Variants in ULK2 observed in about 807,000 individuals in gnomAD.
ULK2 encodes unc-51 like autophagy activating kinase 2, also known as serine/threonine-protein kinase ULK2.
A neutral mutation model predicts 127.5 loss-of-function variants in ULK2; 76 were observed. That is an observed-to-expected ratio of 0.60 (90% confidence interval 0.50 to 0.72). The LOEUF is 0.72. Ranked by LOEUF, ULK2 falls within the 30% of genes least tolerant of loss-of-function variation. The pLI, the probability that ULK2 is intolerant of heterozygous loss-of-function variation, is 0.00. For synonymous variants in ULK2, 452 were observed against 461.9 expected (o/e 0.98, Z 0.28); for missense variants, 1,144 against 1,295.9 (o/e 0.88, Z 1.80).
chr17:19,834,692 G>A (rs933710166), intron 10 of ULK2, among the ~76,000 whole-genome samples: 11 of 151,986 alleles, frequency 7.2e-5, no homozygotes, highest in African/African-American at 1.7e-4. Context: ...CAGGATGTGC[G>A]CTTGAACCCA....
intron 3 of ULK2, chr17:19,856,302 G>A (rs1384924615): frequency 1.3e-5 from 2 of 152,278 alleles, no homozygotes; most frequent in African/African-American, 4.8e-5. Flanking sequence ...AATGTTTGAG[G>A]CCGGGCGCGG....
chr17:19,822,939 G>A (rs1004226865), intron 12 of ULK2, among the ~76,000 whole-genome samples: 1 of 151,262 alleles, frequency 6.6e-6, no homozygotes, highest in African/African-American at 2.4e-5. Flanking sequence ...GGCCACCTCA[G>A]CCTCCCAAAG....
rs1402497246 is a variant in ULK2 at position 19,843,528 on chromosome 17, CACCATAGGACATGGTGTATAAAATACAT to C, written c.544-334_544-307del. Among the ~76,000 whole-genome samples the C allele has an allele frequency of 3.3e-5, 5 of 152,054 alleles. No individual in the cohort carries two copies. In the East Asian group the frequency reaches 9.6e-4, roughly 29 times the overall value. On this transcript the variant is annotated intron_variant, in intron 7 of 26. Transcript: ENST00000395544. ...GGCCGAAAGAGTAAAGAAAAATACA[CACCATAGGACATGGTGTATAAAATACAT>C]ACCATAGGACAGAGGTTCCCTCAGG...
At chr17:19,800,502 C>T (rs1035058888) in intron 16 of ULK2, among the ~76,000 whole-genome samples, 1 of 152,176 alleles carries the variant, frequency 6.6e-6, no homozygotes, top group African/African-American at 2.4e-5. Context: ...GGGGCTGCTA[C>T]AGGGGTGAGA....
intron 6 of ULK2, 92 bp from the exon 7 acceptor site, chr17:19,845,469 A>T: frequency 1.0e-6 from 1 of 977,150 alleles, no homozygotes; most frequent in Non-Finnish European, 1.6e-6. Flanking sequence ...AAGAAGGCAC[A>T]AAGGACTGTG....
intron 7 of ULK2, among the ~76,000 whole-genome samples, chr17:19,843,879 C>G (rs1028399922): frequency 7.2e-5 from 11 of 151,866 alleles, no homozygotes; most frequent in Non-Finnish European, 1.6e-4. Flanking sequence ...AGGCTGGTCT[C>G]GAACTCCTGA....
Position 19,811,662 on chromosome 17 carries a change from G to A in ULK2, c.1097-1224C>T, listed in dbSNP as rs565279426. Among the ~76,000 whole-genome samples the A allele has an allele frequency of 5.2e-3, 789 of 152,016 alleles. 5 individuals are homozygous for A. The highest frequency in any genetic ancestry group is 8.0e-3 in the Non-Finnish European group (543 of 67,984). On this transcript the variant is annotated intron_variant, in intron 13 of 26. Transcript: ENST00000395544. ...TCCCCATGTTGGCCAGGCTGGTCTC[G>A]AACTCCTGACCTCAAGTGATCTGCC...
chr17:19,816,413 C>T (rs1016007285), intron 13 of ULK2: 1 of 163,576 alleles, frequency 6.1e-6, no homozygotes, highest in Non-Finnish European at 1.3e-5. Context: ...ACTCTTTTGA[C>T]TCAGGTTTTT....
At chr17:19,801,360 CCCAGGTGCTCGAGA>C (rs1204821534) in intron 16 of ULK2, among the ~76,000 whole-genome samples, 1 of 152,094 alleles carries the variant, frequency 6.6e-6, no homozygotes, top group Non-Finnish European at 1.5e-5. Flanking sequence ...GATGCTTGAG[CCCAGGTGCTCGAGA>C]CCAGCCTGGG....
At position 19,864,798 on chromosome 17, in the gene ULK2, G is replaced by C; in HGVS notation, c.225+5C>G. 1 of 1,272,038 alleles carries C rather than the reference G, an allele frequency of 7.9e-7. No homozygotes were observed. Among genetic ancestry groups the C allele is most frequent in the Non-Finnish European group, 1.0e-6 (1 of 972,100 alleles). The allele number at this position is 1,272,038 out of a possible 1,614,324, so 78.8% of individuals were successfully genotyped here. On this transcript the variant is annotated splice_donor_5th_base_variant and intron_variant, in intron 3 of 26. Coordinates refer to ENST00000395544, the MANE Select transcript of ULK2 (RefSeq NM_014683.4). ...TAATTTTTAAAAATTTTCAAAATAA[G>C]GTACCTGAACATCATAGAGTGCTAC...
intron 17 of ULK2, among the ~76,000 whole-genome samples, chr17:19,798,851 T>C (rs1475578258): frequency 2.0e-5 from 3 of 152,192 alleles, no homozygotes; most frequent in Non-Finnish European, 4.4e-5. Flanking sequence ...TGATGCTGAC[T>C]CATGGCTCTT....
intron 13 of ULK2, among the ~76,000 whole-genome samples, chr17:19,812,758 C>T (rs1379374445): frequency 6.6e-6 from 1 of 152,210 alleles, no homozygotes; most frequent in East Asian, 1.9e-4. Context: ...AATTGTAAGC[C>T]AGTGACTATT....
intron 10 of ULK2, among the ~76,000 whole-genome samples, chr17:19,829,546 A>AG (rs2041379626): frequency 8.3e-4 from 1 of 1,198 alleles, no homozygotes; most frequent in East Asian, 0.01. Context: ...AGGAAAAAAA[A>AG]AAGGGGGGGG....
At chr17:19,806,016 T>C (rs1308479169) in intron 14 of ULK2, among the ~76,000 whole-genome samples, 1 of 151,986 alleles carries the variant, frequency 6.6e-6, no homozygotes, top group Non-Finnish European at 1.5e-5. Flanking sequence ...TACAATAATG[T>C]TTTTAATATC....
intron 14 of ULK2, among the ~76,000 whole-genome samples, chr17:19,808,156 A>G (rs917927032): frequency 3.3e-5 from 5 of 152,200 alleles, no homozygotes. Context: ...TCAGACAAGA[A>G]TGCTAAGACC....
At chr17:19,836,191 A>G (rs959959493) in intron 10 of ULK2, among the ~76,000 whole-genome samples, 1 of 151,144 alleles carries the variant, frequency 6.6e-6, no homozygotes, top group Non-Finnish European at 1.5e-5. Context: ...CAGGTGGATT[A>G]TGAGGTCAGG....
chr17:19,786,273 C>G (rs543609147), intron 20 of ULK2, among the ~76,000 whole-genome samples, 187 bp from the exon 21 acceptor site: 1 of 150,878 alleles, frequency 6.6e-6, no homozygotes, highest in Non-Finnish European at 1.5e-5. Flanking sequence ...ATTAAAATAA[C>G]TTATAGTAAT....
intron 26 of ULK2, 123 bp downstream of exon 26, chr17:19,777,458 A>G (rs528735983): frequency 9.0e-7 from 1 of 1,108,816 alleles, no homozygotes; most frequent in Non-Finnish European, 1.3e-6. Context: ...TGTGATTTGC[A>G]CAAGGCTGGA....
At position 19,783,758 on chromosome 17, in the gene ULK2, G is replaced by T. The variant is rs572303038; in HGVS notation, c.2399C>A (p.Pro800His). ...LRYVPYGASP[P>H]SLEGLITFEA... The stretch of plus-strand genomic sequence containing the variant: ...AAAGGTGATGAGCCCCTCTAGGCTG[G>T]GGGGTGAAGCACCGTAAGGCACGTA... Residue 800 changes from proline to histidine, a missense_variant, in exon 22 of 27, where the codon CCC (proline) becomes CAC (histidine). Around this residue, in one of 2 missense-constraint regions of ULK2, gnomAD observed 913 missense variants for 970.5 expected, o/e 0.94. Transcript: ENST00000395544. 1.2e-6 allele frequency: 2 copies of T among 1,600,778 alleles called. No individual in the cohort carries two copies. Among genetic ancestry groups the T allele is most frequent in the South Asian group, 1.1e-5 (1 of 88,018 alleles).
Sources: allele counts gnomAD v4.1 joint callset (sites outside exome capture counted in the v4.1 genomes callset), GRCh38; gene constraint gnomAD v4.1.1; regional missense constraint gnomAD v4.1.1; transcripts MANE v1.5; gene names NCBI Gene and HGNC (gene_info 2026-07-23, HGNC 2026-07-21).